The following HLA-DMB variants were observed in gnomAD, a reference collection of about 807,000 sequenced individuals.
The protein encoded by HLA-DMB is HLA class II histocompatibility antigen, DM beta chain.
Under a neutral mutation model 29.3 loss-of-function variants are expected in HLA-DMB, and 18 were observed. The observed-to-expected ratio is 0.62, with a 90% CI of 0.43 to 0.91. The LOEUF (loss-of-function observed/expected upper bound fraction) is 0.91, where lower values mean the gene tolerates loss of function less well. Ranked by LOEUF, HLA-DMB falls within the 40% of genes least tolerant of loss-of-function variation. HLA-DMB has a pLI of 0.00. For synonymous variants in HLA-DMB, 143 were observed against 128.7 expected, an observed-to-expected ratio of 1.11 and a Z score of -0.75; for missense variants, 258 against 320.9, an observed-to-expected ratio of 0.80 and a Z score of 1.50.
rs142107957 is a variant in HLA-DMB, at chr6:32,938,824, A to G, written c.197T>C (p.Phe66Ser). Residue 66 changes from phenylalanine (F) to serine (S), a missense_variant, in exon 2 of 6, where the codon TTT becomes TCT. By Grantham distance (155) the Phe-to-Ser change is radical (BLOSUM62 -2). Transcript: ENST00000418107. ...ATTCGCCAAGCTATTCAGCACCCCA[A>G]ATTCGCAAGGGGCCATCTTATTCTC... is the stretch of plus-strand genomic sequence containing the variant. ...PEENKMAPCE[F>S]GVLNSLANVL... 2,405 of 1,612,078 alleles carry G rather than the reference A, an allele frequency of 1.5e-3. 2 individuals carry two copies. Among genetic ancestry groups the G allele is most frequent in the African/African-American group, 4.2e-3 (315 of 74,958 alleles).
intron 1 of HLA-DMB, among the ~76,000 whole-genome samples, chr6:32,939,836 G>T (rs1776243870): frequency 6.6e-6 from 1 of 152,108 alleles, no homozygotes; most frequent in Admixed American, 6.5e-5. Context: ...CCAAGGAGGG[G>T]GTCATGGGAA....
chr6:32,937,338 G>A lies in HLA-DMB; in HGVS notation c.456C>T (p.Asn152=), dbSNP rs1250524133. The change falls in exon 3 of 6, where the codon AAC becomes AAT. Residue 152 remains asparagine (N), a synonymous_variant. Transcript: ENST00000418107. This position sits in a 1 kb window ranked among gnomAD's most constrained non-coding sequence, Gnocchi z 4.1. The part of the protein sequence containing the change: ...PAEVTITWRK[N]GKLVMPHSSA... ...TGCTGTGAGGCATGACAAGCTTCCC[G>A]TTCTTCCTCCACGTGATAGTCACTT... The A allele has an allele frequency of 4.3e-6, 7 of 1,614,040 alleles. No individual in the cohort carries two copies. Among genetic ancestry groups the A allele is most frequent in the Non-Finnish European group, 5.1e-6 (6 of 1,180,036 alleles).
In HLA-DMB at chr6:32,934,759, G is replaced by C; in HGVS notation, c.*212C>G. On this transcript the variant is annotated 3_prime_UTR_variant, in exon 6 of 6. Transcript: ENST00000418107. ...ATATTCATCCCAGAAATATAGCCTT[G>C]GACAATAATTTGGTTACAGCATAGT... is the stretch of plus-strand genomic sequence containing the variant. The C allele has an allele frequency of 1.7e-6, 1 of 605,470 alleles. No homozygotes were observed. Among genetic ancestry groups the C allele is most frequent in the Non-Finnish European group, 2.9e-6 (1 of 341,872 alleles). 37.5% of individuals were successfully genotyped at this position (605,470 alleles called of 1,614,324 possible).
intron 3 of HLA-DMB, 121 bp from the exon 4 acceptor site, chr6:32,935,773 C>A: frequency 1.5e-6 from 1 of 659,414 alleles, no homozygotes; most frequent in South Asian, 1.8e-5. Flanking sequence ...AAGGGTCTAG[C>A]TCACACCACC....
At position 32,940,792 on chromosome 6, in the gene HLA-DMB, G is replaced by A. The variant is rs754073117; in HGVS notation, c.16C>T (p.Pro6Ser). 4 of 1,601,974 alleles carry A rather than the reference G, an allele frequency of 2.5e-6. No homozygotes were observed. The Admixed American group carries it at 6.8e-5, about 27-fold the overall frequency. Reference sequence around the variant, plus strand: ...CCCAGGCTGAGCCCCAGCAGCAGCGGCAGGAATGTGATCATGCTCTGCTCT... The same window carrying A: ...CCCAGGCTGAGCCCCAGCAGCAGCGACAGGAATGTGATCATGCTCTGCTCT... MITFL[P>S]LLLGLSLGCT... The change falls in exon 1 of 6, where the codon CCG (proline) becomes TCG (serine). Residue 6 changes from proline (P) to serine (S), a missense_variant. Physicochemically the swap from Pro to Ser is moderately conservative, Grantham distance 74 (BLOSUM62 -1). Transcript: ENST00000418107.
rs374592142 is a variant in HLA-DMB at position 32,937,313 on chromosome 6, T to C, written c.481A>G (p.Ser161Gly). 6.2e-7 allele frequency: 1 copy of C among 1,614,210 alleles called. No individual in the cohort carries two copies. The highest frequency in any genetic ancestry group is 1.7e-5 in the Admixed American group (1 of 60,018). The change falls in exon 3 of 6, where the codon AGT becomes GGT. Residue 161 changes from serine to glycine, a missense_variant. By Grantham distance (56) the Ser-to-Gly change is moderately conservative. Transcript: ENST00000418107. The surrounding 1 kb of genome is among the most constrained non-coding windows in gnomAD (Gnocchi z 4.1). The part of the protein sequence containing the change: ...KNGKLVMPHS[S>G]AHKTAQPNGD... ...TTGGGCTGGGCAGTCTTGTGCGCAC[T>C]GCTGTGAGGCATGACAAGCTTCCCG...
In HLA-DMB at chr6:32,937,386, A is replaced by G; in HGVS notation, c.408T>C (p.Tyr136=). 6.2e-7 allele frequency: 1 copy of G among 1,614,194 alleles called. No individual in the cohort carries two copies. The highest frequency in any genetic ancestry group is 1.3e-5 in the African/African-American group (1 of 75,034). The change falls in exon 3 of 6, where the codon TAT becomes TAC. Residue 136 remains tyrosine, a synonymous_variant. Transcript: ENST00000418107. This position sits in a 1 kb window ranked among gnomAD's most constrained non-coding sequence, Gnocchi z 4.1. ...NTREPVMLAC[Y]VWGFYPAEVT... ...CTTCTGCTGGATAGAAGCCCCACAC[A>G]TAGCAGGCCAGCATCACAGGCTCCC...
chr6:32,940,192 A>G (rs1342717588), intron 1 of HLA-DMB, among the ~76,000 whole-genome samples: 1 of 152,160 alleles, frequency 6.6e-6, no homozygotes, highest in Non-Finnish European at 1.5e-5. Context: ...CTGCTCAGGG[A>G]ACATCTACTG....
intron 5 of HLA-DMB, 73 bp from the exon 6 acceptor site, chr6:32,935,060 C>A (rs566177651): frequency 6.5e-7 from 1 of 1,546,416 alleles, no homozygotes; most frequent in Admixed American, 1.7e-5. Context: ...CTGTAACCAT[C>A]CCATGCCTTA....
rs781435121 is a variant in HLA-DMB at position 32,938,799 on chromosome 6, A to G, written c.222T>C (p.Asn74=). The change falls in exon 2 of 6, where the codon AAT becomes AAC. Residue 74 remains asparagine, a synonymous_variant. Transcript: ENST00000418107. The part of the protein sequence containing the change: ...CEFGVLNSLA[N]VLSQHLNQKD... ...TTTGGTTGAGGTGCTGTGAGAGGACATTCGCCAAGCTATTCAGCACCCCAA... is the reference window on the plus strand; with the variant it reads ...TTTGGTTGAGGTGCTGTGAGAGGACGTTCGCCAAGCTATTCAGCACCCCAA... The G allele has an allele frequency of 1.2e-6, 2 of 1,611,366 alleles. No homozygotes were observed. Among genetic ancestry groups the G allele is most frequent in the East Asian group, 2.2e-5 (1 of 44,622 alleles).
chr6:32,936,243 A>G (rs550358536), intron 3 of HLA-DMB: 14 of 152,886 alleles, frequency 9.2e-5, no homozygotes, highest in African/African-American at 3.4e-4. Context: ...TTTTCCCATG[A>G]TAAAATGAAC....
rs371915488 is a variant in HLA-DMB at position 32,935,524 on chromosome 6, C to T, written c.739+12G>A. On this transcript the variant is annotated intron_variant, in intron 4 of 5. Transcript: ENST00000418107. Reference sequence around the variant, plus strand: ...ACCAAGAGTGGGGATGGGAGTTCAGCGAGTCACTCACTAGAGTGGCCAGCT... The same window carrying T: ...ACCAAGAGTGGGGATGGGAGTTCAGTGAGTCACTCACTAGAGTGGCCAGCT... 25 of 1,599,502 alleles carry T rather than the reference C, an allele frequency of 1.6e-5. 2 individuals carry two copies. In the East Asian group the frequency reaches 2.5e-4, roughly 16 times the overall value.
rs768294785 is a variant in HLA-DMB, at chr6:32,938,747, T to G, written c.274A>C (p.Asn92His). The change falls in exon 2 of 6, where the codon AAT becomes CAT. Residue 92 changes from asparagine (N) to histidine (H), a missense_variant. By Grantham distance (68) the Asn-to-His change is moderately conservative (BLOSUM62 1). Transcript: ENST00000418107. The part of the protein sequence containing the change: ...QKDTLMQRLR[N>H]GLQNCATHTQ... ...TGTGTGGCACAATTCTGAAGCCCAT[T>G]GCGCAAGCGCTGCATCAGGGTGTCT... is the stretch of plus-strand genomic sequence containing the variant. 2 of 1,598,130 alleles carry G rather than the reference T, an allele frequency of 1.3e-6. No homozygotes were observed. Among genetic ancestry groups the G allele is most frequent in the Non-Finnish European group, 1.7e-6 (2 of 1,172,670 alleles).
chr6:32,939,847 C>T (rs1776244642), intron 1 of HLA-DMB, among the ~76,000 whole-genome samples: 1 of 152,082 alleles, frequency 6.6e-6, no homozygotes, highest in Non-Finnish European at 1.5e-5. Context: ...GTCATGGGAA[C>T]CTCTGATTTG....
intron 5 of HLA-DMB, 144 bp downstream of exon 5, chr6:32,935,198 T>A: frequency 1.2e-6 from 1 of 837,922 alleles, no homozygotes; most frequent in Non-Finnish European, 2.0e-6. Flanking sequence ...ATCCTAGCAA[T>A]GGCAGCTTAA....
In HLA-DMB at chr6:32,937,771, G is replaced by C; in HGVS notation, c.338-315C>G. The C allele has an allele frequency of 2.9e-6, 1 of 349,470 alleles. No individual in the cohort carries two copies. The highest frequency in any genetic ancestry group is 4.9e-5 in the East Asian group (1 of 20,404). The allele number at this position is 349,470 out of a possible 1,614,324, so 21.6% of individuals were successfully genotyped here. ...GTATTTATTTCAAGTACATAAACTG[G>C]AAAGTATTTGAAATAAGGAAGCTAA... On this transcript the variant is annotated intron_variant, in intron 2 of 5. Transcript: ENST00000418107. This position sits in a 1 kb window ranked among gnomAD's most constrained non-coding sequence, Gnocchi z 4.1.
intron 2 of HLA-DMB, chr6:32,938,151 G>A (rs1023332228): frequency 4.5e-5 from 7 of 153,988 alleles, no homozygotes; most frequent in African/African-American, 1.7e-4. Context: ...GTGGTACTAA[G>A]GGGCTTGCAT....
rs767735011 is a variant in HLA-DMB, at chr6:32,937,173, C to T, written c.621G>A (p.Trp207Ter). Residue 207 changes from tryptophan (W) to a stop codon, truncating the protein, a stop_gained and splice_region_variant, in exon 3 of 6, where the codon TGG becomes TGA. Transcript: ENST00000418107. LOFTEE classifies it high-confidence loss of function. The surrounding 1 kb of genome is among the most constrained non-coding windows in gnomAD (Gnocchi z 4.1). Reference protein sequence around the residue: ...TGAPEPILRDWTPGLSPMQTL... With the variant: ...TGAPEPILRD ...TCCATCCATCTGCCATACACTTACT[C>T]CAGTCCCGAAGGATGGGCTCAGGAG... The T allele has an allele frequency of 5.0e-6, 8 of 1,585,624 alleles. No individual in the cohort carries two copies. The highest frequency in any genetic ancestry group is 1.3e-5 in the African/African-American group (1 of 74,328).
rs1776092916 is a variant in HLA-DMB, at chr6:32,937,709, A to G, written c.338-253T>C. 1.8e-6 allele frequency: 1 copy of G among 546,132 alleles called. No individual in the cohort carries two copies. Among genetic ancestry groups the G allele is most frequent in the Non-Finnish European group, 3.2e-6 (1 of 308,900 alleles). The allele number at this position is 546,132 out of a possible 1,614,324, so 33.8% of individuals were successfully genotyped here. ...ATTATGTTTGATTACAATTAGTAAA[A>G]GCCAGATCTGAACTGCAAGCTGTTC... On this transcript the variant is annotated intron_variant, in intron 2 of 5. Transcript: ENST00000418107. The surrounding 1 kb of genome is among the most constrained non-coding windows in gnomAD (Gnocchi z 4.1).
Sources: gnomAD v4.1 joint callset for allele counts (sites outside exome capture counted in the v4.1 genomes callset) on GRCh38, gnomAD v4.1.1 for gene constraint, Gnocchi (gnomAD v3.1) non-coding constraint, MANE v1.5 for transcripts, NCBI Gene and HGNC (gene_info 2026-07-23, HGNC 2026-07-21) for gene names.